The following MYRIP variants were observed in gnomAD, a reference collection of about 807,000 sequenced individuals.
MYRIP encodes myosin VIIA and Rab interacting protein, also known as rab effector MyRIP.
A neutral mutation model predicts 98.0 loss-of-function variants in MYRIP; 49 were observed. That is an observed-to-expected ratio of 0.50 (90% CI 0.40 to 0.63). MYRIP has a LOEUF of 0.63. MYRIP is among the 30% of genes least tolerant of loss of function. The probability of loss-of-function intolerance (pLI) is 0.00; values close to 1 mark genes in which losing one functional copy is unlikely to be tolerated. For missense variants in MYRIP, 1,004 were observed against 1,058.2 expected (o/e 0.95, Z 0.71); for synonymous variants, 404 against 409.5 (o/e 0.99, Z 0.16).
chr3:40,043,317 T>C (rs1298868680), intron 2 of MYRIP, among the ~76,000 whole-genome samples: 1 of 152,148 alleles, frequency 6.6e-6, no homozygotes, highest in Non-Finnish European at 1.5e-5. Flanking sequence ...GAAAAACAAC[T>C]CAAACCTGCT....
intron 1 of MYRIP, among the ~76,000 whole-genome samples, chr3:39,867,592 G>A (rs996619680): frequency 4.6e-5 from 7 of 152,084 alleles, no homozygotes; most frequent in African/African-American, 1.7e-4. Flanking sequence ...AGAAAACCAC[G>A]TTGAGATATC....
At chr3:39,830,263 A>G (rs1283955691) in intron 1 of MYRIP, among the ~76,000 whole-genome samples, 1 of 152,206 alleles carries the variant, frequency 6.6e-6, no homozygotes, top group Admixed American at 6.5e-5. Flanking sequence ...AGCACTGGTC[A>G]AATCCTGATC....
intron 8 of MYRIP, among the ~76,000 whole-genome samples, chr3:40,176,662 C>T (rs900513658): frequency 1.3e-5 from 2 of 152,154 alleles, no homozygotes; most frequent in African/African-American, 4.8e-5. Flanking sequence ...AATCGCAGCA[C>T]TTTGGGAGGC....
At chr3:39,856,218 T>A (rs1942289732) in intron 1 of MYRIP, among the ~76,000 whole-genome samples, 1 of 152,236 alleles carries the variant, frequency 6.6e-6, no homozygotes, top group Admixed American at 6.5e-5. Flanking sequence ...TTCTTTCAAA[T>A]GATTTGTGAA....
intron 12 of MYRIP, among the ~76,000 whole-genome samples, chr3:40,239,645 T>G (rs1291680930): frequency 6.7e-6 from 1 of 150,048 alleles, no homozygotes; most frequent in Non-Finnish European, 1.5e-5. Context: ...GATTTGCATT[T>G]CTCTGATGGC....
intron 16 of MYRIP, among the ~76,000 whole-genome samples, chr3:40,254,001 A>G (rs1953483325): frequency 6.6e-6 from 1 of 152,228 alleles, no homozygotes; most frequent in African/African-American, 2.4e-5. Context: ...ATTAGCCATT[A>G]ATGCTGTGTT....
chr3:40,240,176 A>G (rs1223656587), intron 12 of MYRIP, among the ~76,000 whole-genome samples: 3 of 150,910 alleles, frequency 2.0e-5, no homozygotes, highest in African/African-American at 4.9e-5. Flanking sequence ...TCCTTTCCCC[A>G]TTGCTTGTTT....
At chr3:39,975,137 C>T (rs1395479474) in intron 2 of MYRIP, among the ~76,000 whole-genome samples, 1 of 152,164 alleles carries the variant, frequency 6.6e-6, no homozygotes. Context: ...GATTGTATGT[C>T]TAGAAAACCC....
chr3:40,108,536 G>C (rs189768275), intron 3 of MYRIP, among the ~76,000 whole-genome samples: 252 of 152,296 alleles, frequency 1.7e-3, no homozygotes, highest in Non-Finnish European at 3.0e-3. Context: ...AAGGAACAAT[G>C]AGGGACAGAA....
chr3:39,970,365 A>G (rs1374781996), intron 2 of MYRIP: 1 of 152,176 alleles, frequency 6.6e-6, no homozygotes, highest in Non-Finnish European at 1.5e-5. Context: ...TTCATAAAAT[A>G]GATATGAAGT....
At chr3:40,250,636 T>C (rs1953345469) in intron 15 of MYRIP, 137 bp downstream of exon 15, 2 of 1,047,332 alleles carry the variant, frequency 1.9e-6, no homozygotes, top group Non-Finnish European at 2.8e-6. Context: ...TATCTTGATT[T>C]GGGTCCCCCC....
chr3:40,098,732 C>T (rs945094758), intron 3 of MYRIP, among the ~76,000 whole-genome samples: 72 of 99,600 alleles, frequency 7.2e-4, no homozygotes, highest in Non-Finnish European at 1.2e-3. Flanking sequence ...CTCTCTCTGT[C>T]TCTCTCATTG....
intron 2 of MYRIP, among the ~76,000 whole-genome samples, chr3:40,009,533 C>T (rs1463204965): frequency 1.3e-5 from 2 of 152,150 alleles, no homozygotes; most frequent in Non-Finnish European, 2.9e-5. Flanking sequence ...TGAGCCACCA[C>T]GCCTGGCCCC....
At chr3:40,185,311 C>T (rs1951001437) in intron 9 of MYRIP, among the ~76,000 whole-genome samples, 1 of 152,148 alleles carries the variant, frequency 6.6e-6, no homozygotes, top group Non-Finnish European at 1.5e-5. Flanking sequence ...TGCATTTTCA[C>T]TTTATAAACC....
chr3:39,894,971 A>C (rs572411589), intron 1 of MYRIP, among the ~76,000 whole-genome samples: 1 of 152,362 alleles, frequency 6.6e-6, no homozygotes, highest in African/African-American at 2.4e-5. Flanking sequence ...TATTAAATGA[A>C]AAATTGCAAC....
intron 1 of MYRIP, among the ~76,000 whole-genome samples, chr3:39,880,232 A>G (rs1215438410): frequency 1.3e-5 from 2 of 151,990 alleles, no homozygotes; most frequent in Non-Finnish European, 2.9e-5. Flanking sequence ...AATTCCTCAA[A>G]TATTTGTCAT....
intron 3 of MYRIP, among the ~76,000 whole-genome samples, chr3:40,075,687 G>A (rs1464135964): frequency 6.6e-6 from 1 of 152,044 alleles, no homozygotes; most frequent in African/African-American, 2.4e-5. Context: ...TTATTAAATG[G>A]CACAAATGCA....
intron 2 of MYRIP, among the ~76,000 whole-genome samples, chr3:39,954,043 C>T (rs556885714): frequency 4.4e-4 from 67 of 152,286 alleles, no homozygotes; most frequent in African/African-American, 1.6e-3. Flanking sequence ...CACCGCAGCT[C>T]AGGGAGTCCT....
intron 2 of MYRIP, among the ~76,000 whole-genome samples, chr3:39,964,295 A>G (rs1945390735): frequency 1.3e-5 from 2 of 152,156 alleles, no homozygotes; most frequent in South Asian, 4.1e-4. Context: ...TTTAAATGGT[A>G]TACATGATAA....
Sources: gnomAD v4.1 joint callset for allele counts (sites outside exome capture counted in the v4.1 genomes callset) on GRCh38, gnomAD v4.1.1 for gene constraint, MANE v1.5 for transcripts, NCBI Gene and HGNC (gene_info 2026-07-23, HGNC 2026-07-21) for gene names.